SLC9A8: variants seen among roughly 807,000 people sequenced by gnomAD.
The protein encoded by SLC9A8 is solute carrier family 9 member A8.
A neutral mutation model predicts 66.6 loss-of-function variants in SLC9A8; 48 were observed. The ratio of observed to expected loss-of-function variants is 0.72; its 90% confidence interval spans 0.57 to 0.92. The LOEUF (loss-of-function observed/expected upper bound fraction) is 0.92, where lower values mean the gene tolerates loss of function less well. Ranked by LOEUF, SLC9A8 falls within the 40% of genes least tolerant of loss-of-function variation. The pLI is 0.00. For synonymous variants in SLC9A8, 274 were observed against 282.6 expected (o/e 0.97, Z 0.31); for missense variants, 599 against 747.3 (o/e 0.80, Z 2.31).
intron 2 of SLC9A8, among the ~76,000 whole-genome samples, chr20:49,821,227 A>G (rs1364676351): frequency 1.3e-5 from 2 of 152,192 alleles, no homozygotes; most frequent in Non-Finnish European, 2.9e-5. Flanking sequence ...AATAACTTAA[A>G]TTTTTAAAAA....
At chr20:49,816,531 T>C (rs866104365) in intron 2 of SLC9A8, among the ~76,000 whole-genome samples, 5 of 152,084 alleles carry the variant, frequency 3.3e-5, no homozygotes, top group Admixed American at 1.3e-4. Flanking sequence ...CAGGCTGATA[T>C]AAGACTAGAG....
chr20:49,859,710 G>A (rs559883), intron 8 of SLC9A8, among the ~76,000 whole-genome samples: 139,205 of 152,268 alleles, frequency 0.91, 63,735 homozygotes, highest in African/African-American at 0.95. Flanking sequence ...CTGTTTCTTC[G>A]GTAACTTGAA....
chr20:49,860,445 G>T (rs1304304202), intron 8 of SLC9A8, among the ~76,000 whole-genome samples: 1 of 152,104 alleles, frequency 6.6e-6, no homozygotes, highest in Non-Finnish European at 1.5e-5. Context: ...GGCCTGGCAT[G>T]GTGGTTCATG....
At chr20:49,844,031 C>T (rs1224503210) in intron 4 of SLC9A8, among the ~76,000 whole-genome samples, 1 of 152,064 alleles carries the variant, frequency 6.6e-6, no homozygotes, top group African/African-American at 2.4e-5. Context: ...GTGGAAGCAG[C>T]CTAAGGTTCT....
intron 7 of SLC9A8, among the ~76,000 whole-genome samples, chr20:49,854,259 G>A (rs1255258571): frequency 6.6e-6 from 1 of 152,114 alleles, no homozygotes; most frequent in East Asian, 1.9e-4. Flanking sequence ...GAGGCCCCTT[G>A]AGGGAGCTGG....
In SLC9A8 at chr20:49,812,846, C is replaced by G. The variant is rs1337479939; in HGVS notation, c.-77C>G. The G allele has an allele frequency of 6.8e-7, 1 of 1,478,982 alleles. No homozygotes were observed. The highest frequency in any genetic ancestry group is 1.9e-4 in the Middle Eastern group (1 of 5,304). 91.6% of individuals were successfully genotyped at this position (1,478,982 alleles called of 1,614,324 possible). On this transcript the variant is annotated 5_prime_UTR_variant, in exon 1 of 16. Coordinates refer to ENST00000361573, the MANE Select transcript of SLC9A8 (RefSeq NM_015266.3). ...GCCTCCCGCTCGCCCGCCCGCGCCTCCAGCGGAAGCCGGAAGCAAAAGCGG... is the reference window on the plus strand; with the variant it reads ...GCCTCCCGCTCGCCCGCCCGCGCCTGCAGCGGAAGCCGGAAGCAAAAGCGG...
chr20:49,849,213 G>A (rs2088138603), intron 5 of SLC9A8, among the ~76,000 whole-genome samples: 1 of 152,202 alleles, frequency 6.6e-6, no homozygotes, highest in Admixed American at 6.5e-5. Context: ...GAATCATTCA[G>A]GGTGGGGGCT....
chr20:49,887,615 C>T (rs896354532), intron 15 of SLC9A8, among the ~76,000 whole-genome samples: 1 of 152,174 alleles, frequency 6.6e-6, no homozygotes, highest in African/African-American at 2.4e-5. Flanking sequence ...GCCATGCTCC[C>T]TCCTCCTTTC....
chr20:49,820,215 G>A (rs1056626781), intron 2 of SLC9A8, among the ~76,000 whole-genome samples: 4 of 152,070 alleles, frequency 2.6e-5, no homozygotes, highest in East Asian at 1.9e-4. Context: ...TAGACTGGGC[G>A]TGGTGGCTCA....
Position 49,874,625 on chromosome 20 carries a change from C to G in SLC9A8, c.959-80C>G. 4.4e-6 allele frequency: 4 copies of G among 908,850 alleles called. No individual in the cohort carries two copies. The South Asian group carries it at 5.2e-5, about 12-fold the overall frequency. 56.3% of individuals were successfully genotyped at this position (908,850 alleles called of 1,614,324 possible). On this transcript the variant is annotated intron_variant, in intron 10 of 15. Transcript: ENST00000361573. The stretch of plus-strand genomic sequence containing the variant: ...TCTTAAACCCTCTAATGCTCTAGGC[C>G]CCAGGGCCTTGCAGGCATTGTGAGA...
At chr20:49,884,289 G>GACACCGACACACAC (rs2089788349) in intron 14 of SLC9A8, 1 of 36,862 alleles carries the variant, frequency 2.7e-5, no homozygotes, top group Non-Finnish European at 5.6e-5. Context: ...ACACACACAC[G>GACACCGACACACAC]ACACACACAC....
At chr20:49,880,619 C>G (rs2089591157) in intron 12 of SLC9A8, among the ~76,000 whole-genome samples, 1 of 152,214 alleles carries the variant, frequency 6.6e-6, no homozygotes, top group African/African-American at 2.4e-5. Flanking sequence ...TCTTGGCATT[C>G]AGTTTTGTTC....
intron 3 of SLC9A8, chr20:49,829,417 G>C (rs995608272): frequency 1.2e-5 from 2 of 172,638 alleles, no homozygotes; most frequent in African/African-American, 4.8e-5. Flanking sequence ...TAGCTCCTCA[G>C]GAGGCTGAGG....
At chr20:49,881,261 C>T (rs1251186926) in intron 13 of SLC9A8, among the ~76,000 whole-genome samples, 2 of 152,196 alleles carry the variant, frequency 1.3e-5, no homozygotes, top group African/African-American at 4.8e-5. Context: ...GGTCACGTGA[C>T]CACTGGAGGC....
intron 1 of SLC9A8, among the ~76,000 whole-genome samples, chr20:49,814,444 G>A (rs2086472910): frequency 6.6e-6 from 1 of 152,192 alleles, no homozygotes; most frequent in Non-Finnish European, 1.5e-5. Flanking sequence ...CCAGCACAGT[G>A]TGAAAGAGCT....
At chr20:49,846,503 G>A (rs570438811) in intron 5 of SLC9A8, among the ~76,000 whole-genome samples, 3 of 150,632 alleles carry the variant, frequency 2.0e-5, no homozygotes, top group South Asian at 2.1e-4. Flanking sequence ...ATGAAAGAAC[G>A]TAGGCAAAGC....
intron 8 of SLC9A8, 103 bp downstream of exon 8, chr20:49,855,684 T>C: frequency 9.0e-7 from 1 of 1,106,744 alleles, no homozygotes; most frequent in South Asian, 1.6e-5. Flanking sequence ...CAGTTGCTTG[T>C]CCTCTGGGTG....
intron 11 of SLC9A8, among the ~76,000 whole-genome samples, chr20:49,875,274 TAAA>T (rs33958043): frequency 8.1e-6 from 1 of 123,276 alleles, no homozygotes; most frequent in Non-Finnish European, 1.7e-5. Flanking sequence ...GCTATGATCT[TAAA>T]AAAAAAAAAA....
At chr20:49,879,436 C>T (rs1459257575) in intron 12 of SLC9A8, among the ~76,000 whole-genome samples, 1 of 152,240 alleles carries the variant, frequency 6.6e-6, no homozygotes, top group Non-Finnish European at 1.5e-5. Flanking sequence ...ACAATACCTA[C>T]TTTGTAAGAC....
Sources: allele counts gnomAD v4.1 joint callset (sites outside exome capture counted in the v4.1 genomes callset), GRCh38; gene constraint gnomAD v4.1.1; transcripts MANE v1.5; gene names NCBI Gene and HGNC (gene_info 2026-07-23, HGNC 2026-07-21).